Variants in FAM186A observed in about 807,000 individuals in gnomAD.
The protein encoded by FAM186A is protein FAM186A.
A neutral mutation model predicts 216.8 loss-of-function variants in FAM186A; 163 were observed. The observed-to-expected ratio is 0.75, with a 90% CI of 0.66 to 0.86. FAM186A has a LOEUF of 0.86. FAM186A is among the 40% of genes least tolerant of loss of function. The pLI is 0.00. For synonymous variants in FAM186A, 805 were observed against 1,025.3 expected (o/e 0.79, Z 4.10); for missense variants, 2,184 against 2,746.2 (o/e 0.80, Z 4.58).
At chr12:50,334,168 T>A in intron 4 of FAM186A, 65 bp from the exon 5 acceptor site, 6 of 1,279,966 alleles carry the variant, frequency 4.7e-6, no homozygotes, top group South Asian at 1.6e-5. Context: ...AAACTTGTCC[T>A]CAGTTTCTTT....
At chr12:50,372,347 A>G (rs925132482) in intron 1 of FAM186A, among the ~76,000 whole-genome samples, 11 of 151,898 alleles carry the variant, frequency 7.2e-5, no homozygotes, top group African/African-American at 2.4e-5. Flanking sequence ...TAATCCCAGC[A>G]CTTTGGAAGG....
At chr12:50,385,437 A>T (rs1409508505) in intron 1 of FAM186A, among the ~76,000 whole-genome samples, 1 of 150,322 alleles carries the variant, frequency 6.7e-6, no homozygotes, top group Non-Finnish European at 1.5e-5. Context: ...AAAAAAAAAG[A>T]AAGTATAAAA....
rs573337550 is a variant in FAM186A at position 50,372,983 on chromosome 12, G to A, written c.193-9619C>T. On this transcript the variant is annotated intron_variant, in intron 1 of 7. Transcript: ENST00000327337. Reference sequence around the variant, plus strand: ...GGGAGGGAGGGAGGGACGGAGGGAGGAAGGAAGGAAGGAATGAAAGAAAGA... The same window carrying A: ...GGGAGGGAGGGAGGGACGGAGGGAGAAAGGAAGGAAGGAATGAAAGAAAGA... 3.9e-3 allele frequency among the ~76,000 whole-genome samples: 72 copies of A among 18,346 alleles called. 3 individuals are homozygous for A. Among genetic ancestry groups the A allele is most frequent in the African/African-American group, 7.4e-3 (71 of 9,614 alleles). 12.0% of individuals were successfully genotyped at this position (18,346 alleles called of 152,430 possible). A position where few individuals can be genotyped will look rare whatever the true frequency, so the allele number is the denominator to read the frequency against.
intron 1 of FAM186A, among the ~76,000 whole-genome samples, chr12:50,364,593 A>C (rs1487922589): frequency 6.7e-6 from 1 of 150,306 alleles, no homozygotes; most frequent in Non-Finnish European, 1.5e-5. Flanking sequence ...TAAAAATAAA[A>C]ATAAAATAAT....
At chr12:50,333,276 A>G (rs1195455095) in intron 5 of FAM186A, among the ~76,000 whole-genome samples, 2 of 152,078 alleles carry the variant, frequency 1.3e-5, no homozygotes, top group East Asian at 3.9e-4. Flanking sequence ...TCACGCCTGT[A>G]ATCCCAACAC....
rs535039334 is a variant in FAM186A at position 50,335,190 on chromosome 12, C to T, written c.6504-1087G>A. ...GAGGCTTGCTTGAGCCTAGGGAGTT[C>T]GAGGCTGCAGTGAGTTATGATCACG... is the stretch of plus-strand genomic sequence containing the variant. On this transcript the variant is annotated intron_variant, in intron 4 of 7. Coordinates refer to ENST00000327337, the MANE Select transcript of FAM186A (RefSeq NM_001145475.3). Among the ~76,000 whole-genome samples the T allele has an allele frequency of 6.6e-5, 10 of 152,116 alleles. No individual in the cohort carries two copies. The East Asian group carries it at 7.7e-4, about 12-fold the overall frequency.
chr12:50,334,378 G>A (rs371867727), intron 4 of FAM186A, among the ~76,000 whole-genome samples: 1 of 145,888 alleles, frequency 6.9e-6, no homozygotes, highest in African/African-American at 2.5e-5. Context: ...CTCCATGTTG[G>A]TCAGGCTGGT....
chr12:50,383,278 A>AAAAAAAAAAAAAAAAAAGAGAG (rs1555218962), intron 1 of FAM186A, among the ~76,000 whole-genome samples: 1 of 49,244 alleles, frequency 2.0e-5, no homozygotes, highest in Non-Finnish European at 4.4e-5. Context: ...AAAAAAAAAA[A>AAAAAAAAAAAAAAAAAAGAGAG]AGAGAGAGAG....
intron 4 of FAM186A, among the ~76,000 whole-genome samples, chr12:50,347,926 AC>A (rs1367114066): frequency 6.6e-6 from 1 of 151,210 alleles, no homozygotes; most frequent in East Asian, 1.9e-4. Flanking sequence ...TTTTTTTGAG[AC>A]GACGGCACAG....
intron 1 of FAM186A, among the ~76,000 whole-genome samples, chr12:50,380,862 C>T: frequency 6.6e-6 from 1 of 152,206 alleles, no homozygotes; most frequent in East Asian, 1.9e-4. Context: ...GGATCCCATG[C>T]CTGCCAAGGG....
chr12:50,387,369 T>A (rs989224344), intron 1 of FAM186A, among the ~76,000 whole-genome samples: 5 of 152,224 alleles, frequency 3.3e-5, no homozygotes, highest in Non-Finnish European at 5.9e-5. Flanking sequence ...CTACATTGTC[T>A]CTGTTGTATA....
rs1031684295 is a variant in FAM186A at position 50,355,691 on chromosome 12, C to G, written c.1141G>C (p.Glu381Gln). The change falls in exon 4 of 8, where the codon GAA (glutamate) becomes CAA (glutamine). Residue 381 changes from glutamate to glutamine, a missense_variant. Glu to Gln is a conservative substitution (Grantham distance 29). Around this residue, in one of 7 missense-constraint regions of FAM186A, gnomAD observed 1,132 missense variants for 1,263.4 expected, o/e 0.90. Coordinates refer to ENST00000327337, the MANE Select transcript of FAM186A (RefSeq NM_001145475.3). ...EDNMDNILDK[E>Q]LENIVDEVQR... ...ACTTCATCTACAATATTTTCAAGTTCCTTGTCTAAAATATTGTCCATATTG... is the reference window on the plus strand; with the variant it reads ...ACTTCATCTACAATATTTTCAAGTTGCTTGTCTAAAATATTGTCCATATTG... The G allele has an allele frequency of 6.4e-7, 1 of 1,550,776 alleles. No homozygotes were observed. Among genetic ancestry groups the G allele is most frequent in the South Asian group, 1.2e-5 (1 of 83,688 alleles).
At position 50,355,315 on chromosome 12, in the gene FAM186A, A is replaced by G; in HGVS notation, c.1517T>C (p.Met506Thr). The G allele has an allele frequency of 1.9e-6, 3 of 1,550,170 alleles. No individual in the cohort carries two copies. Among genetic ancestry groups the G allele is most frequent in the African/African-American group, 1.4e-5 (1 of 72,892 alleles). Residue 506 changes from methionine (M) to threonine (T), a missense_variant, in exon 4 of 8, where the codon ATG (methionine) becomes ACG (threonine). This residue lies in a region of FAM186A where 1,132 missense variants were observed against 1,263.4 expected (regional missense o/e 0.90). Transcript: ENST00000327337. ...TGATTTATCTTCAGAAAAGGATTTCATTTCTTTTCTTTTCTTTTTCAGTAC... is the reference window on the plus strand; with the variant it reads ...TGATTTATCTTCAGAAAAGGATTTCGTTTCTTTTCTTTTCTTTTTCAGTAC... ...LQVLKKKRKE[M>T]KSFSEDKSKS...
At chr12:50,394,730 C>CTTTTTTTTTTT (rs1943396117) in intron 1 of FAM186A, among the ~76,000 whole-genome samples, 1 of 51,004 alleles carries the variant, frequency 2.0e-5, no homozygotes, top group African/African-American at 1.1e-4. Context: ...CTGGCTAACA[C>CTTTTTTTTTTT]TCTTTTTTTT....
chr12:50,375,912 G>T (rs1012553399), intron 1 of FAM186A, among the ~76,000 whole-genome samples: 1 of 151,832 alleles, frequency 6.6e-6, no homozygotes, highest in African/African-American at 2.4e-5. Flanking sequence ...ATACCGGCCC[G>T]GATCCCATGC....
Position 50,355,155 on chromosome 12 carries a change from A to C in FAM186A, c.1677T>G (p.Arg559=), listed in dbSNP as rs1383721209. 7.7e-6 allele frequency: 12 copies of C among 1,551,408 alleles called. No homozygotes were observed. In the East Asian group the frequency reaches 2.9e-4, roughly 38 times the overall value. Residue 559 remains arginine (R), a synonymous_variant, in exon 4 of 8, where the codon CGT becomes CGG. Coordinates refer to ENST00000327337, the MANE Select transcript of FAM186A (RefSeq NM_001145475.3). The part of the protein sequence containing the change: ...KVKRESPFDK[R]PTAAEIKVEP... ...CCACTTTAATCTCTGCTGCAGTTGGACGTTTGTCAAATGGAGATTCACGTT... is the reference window on the plus strand; with the variant it reads ...CCACTTTAATCTCTGCTGCAGTTGGCCGTTTGTCAAATGGAGATTCACGTT...
chr12:50,345,135 C>T (rs971355652), intron 4 of FAM186A, among the ~76,000 whole-genome samples: 4 of 152,024 alleles, frequency 2.6e-5, no homozygotes, highest in South Asian at 2.1e-4. Flanking sequence ...AGCAAAACTT[C>T]GTCTAAAAAA....
chr12:50,388,197 T>G (rs1943323380), intron 1 of FAM186A, among the ~76,000 whole-genome samples: 1 of 152,200 alleles, frequency 6.6e-6, no homozygotes, highest in African/African-American at 2.4e-5. Context: ...GTCTTTCTAA[T>G]GACCAGTCCC....
chr12:50,355,535 C>G lies in FAM186A; in HGVS notation c.1297G>C (p.Asp433His). ...QPVASEDISEDSTKDNVSLKK... is the reference protein window; with the variant it reads ...QPVASEDISEHSTKDNVSLKK... ...AATGATACGTTATCTTTAGTGCTGT[C>G]TTCGGAAATATCTTCAGAAGCAACA... Residue 433 changes from aspartate to histidine, a missense_variant, in exon 4 of 8, where the codon GAC becomes CAC. Asp to His is a moderately conservative substitution (Grantham distance 81). Around this residue, in one of 7 missense-constraint regions of FAM186A, gnomAD observed 1,132 missense variants for 1,263.4 expected, o/e 0.90. Transcript: ENST00000327337. 6.4e-7 allele frequency: 1 copy of G among 1,551,520 alleles called. No homozygotes were observed. Among genetic ancestry groups the G allele is most frequent in the Non-Finnish European group, 8.7e-7 (1 of 1,146,972 alleles).
Sources: allele counts gnomAD v4.1 joint callset (sites outside exome capture counted in the v4.1 genomes callset), GRCh38; gene constraint gnomAD v4.1.1; regional missense constraint gnomAD v4.1.1; transcripts MANE v1.5; gene names NCBI Gene and HGNC (gene_info 2026-07-23, HGNC 2026-07-21).